LIN28B: variants seen among roughly 807,000 people sequenced by gnomAD.
LIN28B encodes the protein lin-28 RNA binding posttranscriptional regulator B, also known as protein lin-28 homolog B.
A neutral mutation model predicts 21.9 loss-of-function variants in LIN28B; 5 were observed. That is an observed-to-expected ratio of 0.23 (90% confidence interval 0.12 to 0.48). The LOEUF (loss-of-function observed/expected upper bound fraction) is 0.48, where lower values mean the gene tolerates loss of function less well. Among genes scored for constraint, LIN28B ranks in the 20% least tolerant of loss-of-function variants. LIN28B has a pLI of 0.98. For synonymous variants in LIN28B, 109 were observed against 111.3 expected, an observed-to-expected ratio of 0.98 and a Z score of 0.13; for missense variants, 245 against 310.5, an observed-to-expected ratio of 0.79 and a Z score of 1.58.
chr6:105,045,094 G>A (rs781531277), intron 3 of LIN28B, among the ~76,000 whole-genome samples: 2 of 151,970 alleles, frequency 1.3e-5, no homozygotes, highest in Non-Finnish European at 2.9e-5. Context: ...AGAAGAAGCA[G>A]GTAACTAATC....
At chr6:105,023,378 TA>T (rs1386186378) in intron 2 of LIN28B, among the ~76,000 whole-genome samples, 3 of 6,094 alleles carry the variant, frequency 4.9e-4, no homozygotes, top group African/African-American at 2.1e-3. Context: ...ATAATATATA[TA>T]ATTATATTAT....
chr6:105,049,363 G>C (rs1477664684), intron 3 of LIN28B, among the ~76,000 whole-genome samples: 1 of 152,100 alleles, frequency 6.6e-6, no homozygotes, highest in Non-Finnish European at 1.5e-5. Context: ...TGTGGCCTGA[G>C]AGACAGTTTG....
chr6:104,958,041 C>G, intron 1 of LIN28B, 58 bp from the exon 2 acceptor site: 11 of 1,108,680 alleles, frequency 9.9e-6, no homozygotes, highest in East Asian at 6.1e-5. Context: ...TTTTTTTAAT[C>G]TTTGAATGCA....
upstream of LIN28B, among the ~76,000 whole-genome samples, chr6:104,952,539 T>A (rs1438727051): frequency 6.6e-6 from 1 of 152,186 alleles, no homozygotes; most frequent in African/African-American, 2.4e-5. Flanking sequence ...TTATGTATAA[T>A]TTTTAAAAAA....
At chr6:104,970,114 A>G (rs1177404631) in intron 2 of LIN28B, among the ~76,000 whole-genome samples, 1 of 152,156 alleles carries the variant, frequency 6.6e-6, no homozygotes, top group Non-Finnish European at 1.5e-5. Flanking sequence ...TAAAAGCTTC[A>G]ATATTGTTTA....
chr6:105,002,670 A>G (rs1447421690), intron 2 of LIN28B, among the ~76,000 whole-genome samples: 6 of 152,218 alleles, frequency 3.9e-5, no homozygotes, highest in Admixed American at 2.0e-4. Flanking sequence ...CCTTTAGAGC[A>G]TATATCTTTT....
At chr6:105,058,095 G>T (rs768832071) in intron 3 of LIN28B, 3 of 407,356 alleles carry the variant, frequency 7.4e-6, no homozygotes, top group Non-Finnish European at 9.7e-6. Flanking sequence ...CTGGCTTGAC[G>T]GTGCATTTTC....
intron 2 of LIN28B, among the ~76,000 whole-genome samples, chr6:105,022,284 T>C (rs1347881613): frequency 1.3e-5 from 2 of 152,128 alleles, no homozygotes. Flanking sequence ...GAAGATTCAC[T>C]AAAAATTACT....
chr6:105,037,023 G>A (rs139404175), intron 3 of LIN28B, among the ~76,000 whole-genome samples: 126 of 152,148 alleles, frequency 8.3e-4, no homozygotes, highest in African/African-American at 2.4e-3. Context: ...AAATTTTAAC[G>A]TCACTTAAAT....
At chr6:105,008,604 A>T (rs1395546200) in intron 2 of LIN28B, among the ~76,000 whole-genome samples, 1 of 151,570 alleles carries the variant, frequency 6.6e-6, no homozygotes, top group African/African-American at 2.4e-5. Context: ...AGATTGTGCC[A>T]CTGCACTCCA....
chr6:105,025,114 C>A (rs1038806159), intron 2 of LIN28B, among the ~76,000 whole-genome samples: 9 of 151,416 alleles, frequency 5.9e-5, no homozygotes, highest in Non-Finnish European at 1.2e-4. Context: ...TTTGAATTTA[C>A]AAATGAACAG....
At chr6:104,985,015 C>T (rs962539813) in intron 2 of LIN28B, among the ~76,000 whole-genome samples, 17 of 152,112 alleles carry the variant, frequency 1.1e-4, no homozygotes, top group African/African-American at 2.9e-4. Context: ...GTAGCATTTC[C>T]GAATTTCCAT....
At chr6:104,991,133 C>T (rs998700684) in intron 2 of LIN28B, among the ~76,000 whole-genome samples, 39 of 109,662 alleles carry the variant, frequency 3.6e-4, no homozygotes, top group Admixed American at 7.2e-4. Flanking sequence ...CCAGAAGGGG[C>T]GGCCGGGCAG....
intron 3 of LIN28B, among the ~76,000 whole-genome samples, chr6:104,950,781 C>T (rs1582859039): frequency 6.6e-6 from 1 of 150,794 alleles, no homozygotes; most frequent in South Asian, 2.1e-4. Flanking sequence ...ATTCCTTTTT[C>T]TGTAACTCAA....
At chr6:104,974,135 A>C (rs989100557) in intron 2 of LIN28B, among the ~76,000 whole-genome samples, 1 of 152,176 alleles carries the variant, frequency 6.6e-6, no homozygotes, top group African/African-American at 2.4e-5. Flanking sequence ...GAAATGTTTT[A>C]ATTGTTTACT....
At chr6:105,012,551 T>C (rs1172437265) in intron 2 of LIN28B, among the ~76,000 whole-genome samples, 1 of 152,144 alleles carries the variant, frequency 6.6e-6, no homozygotes. Context: ...TTCTACCACC[T>C]TCTGTGAAAT....
chr6:104,975,368 A>G (rs1562078214), intron 2 of LIN28B, among the ~76,000 whole-genome samples: 1 of 152,056 alleles, frequency 6.6e-6, no homozygotes, highest in Admixed American at 6.6e-5. Context: ...TTATAGTTTT[A>G]TACATTAACA....
At chr6:105,019,122 A>G (rs2114323537) in intron 2 of LIN28B, among the ~76,000 whole-genome samples, 1 of 151,818 alleles carries the variant, frequency 6.6e-6, no homozygotes, top group South Asian at 2.1e-4. Flanking sequence ...ATTTTTTTGT[A>G]TTTTTAGTAG....
chr6:104,951,839 GATTGGTAAATAGGACCAGA>G (rs779183153), intron 3 of LIN28B, among the ~76,000 whole-genome samples: 41 of 152,332 alleles, frequency 2.7e-4, no homozygotes, highest in African/African-American at 5.8e-4. Context: ...CAAGGCCACA[GATTGGTAAATAGGACCAGA>G]ATTGGTAAAT....
Sources: gnomAD v4.1 joint callset for allele counts (sites outside exome capture counted in the v4.1 genomes callset) on GRCh38, gnomAD v4.1.1 for gene constraint, MANE v1.5 for transcripts, NCBI Gene and HGNC (gene_info 2026-07-23, HGNC 2026-07-21) for gene names.